Variants in ANAPC10 observed in about 807,000 individuals in gnomAD.
The protein encoded by ANAPC10 is anaphase-promoting complex subunit 10.
A neutral mutation model predicts 22.0 loss-of-function variants in ANAPC10; 12 were observed. The observed-to-expected ratio is 0.55, with a 90% confidence interval of 0.35 to 0.88. The LOEUF (loss-of-function observed/expected upper bound fraction) is 0.88, where lower values mean the gene tolerates loss of function less well. Ranked by LOEUF, ANAPC10 falls within the 40% of genes least tolerant of loss-of-function variation. The pLI is 0.01. For missense variants in ANAPC10, 188 were observed against 220.9 expected, an observed-to-expected ratio of 0.85 and a Z score of 0.94; for synonymous variants, 65 against 69.5, an observed-to-expected ratio of 0.94 and a Z score of 0.32.
At chr4:145,033,570 A>C (rs997949897) in intron 4 of ANAPC10, among the ~76,000 whole-genome samples, 1 of 152,188 alleles carries the variant, frequency 6.6e-6, no homozygotes, top group Non-Finnish European at 1.5e-5. Flanking sequence ...AATACAGGAG[A>C]TCCATTAGGA....
intron 3 of ANAPC10, among the ~76,000 whole-genome samples, chr4:145,070,888 C>T (rs1389240790): frequency 6.6e-6 from 1 of 152,206 alleles, no homozygotes; most frequent in East Asian, 1.9e-4. Flanking sequence ...AAAAGTTAGA[C>T]ACCAAAGGAC....
At chr4:145,030,023 A>G (rs1360131912) in intron 4 of ANAPC10, among the ~76,000 whole-genome samples, 1 of 152,194 alleles carries the variant, frequency 6.6e-6, no homozygotes, top group Admixed American at 6.5e-5. Flanking sequence ...GCAGCACTCA[A>G]TCATCAAAGG....
chr4:145,084,488 G>A (rs1159936546), intron 2 of ANAPC10, among the ~76,000 whole-genome samples: 1 of 152,050 alleles, frequency 6.6e-6, no homozygotes, highest in African/African-American at 2.4e-5. Context: ...GACCAGGGGT[G>A]TCTAATCTTT....
intron 4 of ANAPC10, among the ~76,000 whole-genome samples, chr4:145,057,775 G>A (rs113493172): frequency 3.1e-4 from 47 of 152,150 alleles, no homozygotes; most frequent in African/African-American, 9.2e-4. Flanking sequence ...ACTAGTAAAT[G>A]CCAACTTTCA....
At chr4:145,089,873 C>A (rs1747415383) in intron 2 of ANAPC10, among the ~76,000 whole-genome samples, 1 of 152,142 alleles carries the variant, frequency 6.6e-6, no homozygotes, top group South Asian at 2.1e-4. Context: ...CCATCCTCCA[C>A]ACTTCTCAAA....
intron 2 of ANAPC10, among the ~76,000 whole-genome samples, chr4:145,083,403 C>G (rs1746382928): frequency 6.6e-6 from 1 of 152,120 alleles, no homozygotes; most frequent in Admixed American, 6.5e-5. Flanking sequence ...AAACACCTAG[C>G]TGTCTACAAT....
chr4:145,021,606 A>G (rs1294648950), intron 4 of ANAPC10, among the ~76,000 whole-genome samples: 4 of 152,148 alleles, frequency 2.6e-5, no homozygotes, highest in African/African-American at 9.7e-5. Flanking sequence ...CCTTCTAGAC[A>G]TTGGTTTAGG....
intron 4 of ANAPC10, among the ~76,000 whole-genome samples, chr4:145,030,843 T>C (rs1737472443): frequency 6.6e-6 from 1 of 152,216 alleles, no homozygotes; most frequent in African/African-American, 2.4e-5. Flanking sequence ...CATCAAGGAC[T>C]TGAAGGACGT....
At chr4:145,093,765 C>T (rs1474641996) in intron 2 of ANAPC10, among the ~76,000 whole-genome samples, 1 of 151,216 alleles carries the variant, frequency 6.6e-6, no homozygotes, top group East Asian at 1.9e-4. Context: ...GAAGACAGGC[C>T]AATGAAAAAT....
chr4:145,007,180 C>A (rs897123415), intron 4 of ANAPC10, among the ~76,000 whole-genome samples: 2 of 152,006 alleles, frequency 1.3e-5, no homozygotes, highest in African/African-American at 4.8e-5. Context: ...GACTCCCACA[C>A]AATAATAATG....
At chr4:145,001,207 GGAA>G (rs1023881301) in intron 4 of ANAPC10, among the ~76,000 whole-genome samples, 5 of 136,926 alleles carry the variant, frequency 3.7e-5, no homozygotes, top group African/African-American at 1.4e-4. Context: ...AAAGAAAGAA[GGAA>G]GGAGGGAGGG....
intron 4 of ANAPC10, among the ~76,000 whole-genome samples, chr4:144,998,619 T>C (rs577992724): frequency 6.6e-6 from 1 of 152,270 alleles, no homozygotes; most frequent in Admixed American, 6.5e-5. Context: ...TGTAAAGCAG[T>C]GTGTCGAGGG....
intron 4 of ANAPC10, among the ~76,000 whole-genome samples, chr4:145,001,207 G>C (rs62343143): frequency 0.21 from 28,100 of 136,854 alleles, 3,218 homozygotes; most frequent in East Asian, 0.47. Context: ...AAAGAAAGAA[G>C]GAAGGAGGGA....
At chr4:145,095,644 C>T (rs1162878453) in intron 2 of ANAPC10, among the ~76,000 whole-genome samples, 1 of 152,174 alleles carries the variant, frequency 6.6e-6, no homozygotes, top group African/African-American at 2.4e-5. Flanking sequence ...TTATCTCTCA[C>T]ATCATCGCAG....
chr4:145,068,863 T>C (rs146050324), intron 3 of ANAPC10, among the ~76,000 whole-genome samples: 7 of 152,274 alleles, frequency 4.6e-5, no homozygotes, highest in African/African-American at 1.2e-4. Flanking sequence ...TGAGCCAAGA[T>C]TGCGCTACTG....
chr4:145,005,641 G>A (rs1733227691), intron 4 of ANAPC10, among the ~76,000 whole-genome samples: 1 of 152,120 alleles, frequency 6.6e-6, no homozygotes. Context: ...CTGTGCCCCA[G>A]AGATTCTGGT....
At position 145,016,549 on chromosome 4, in the gene ANAPC10, G is replaced by T. The variant is rs1377025763; in HGVS notation, c.328-20946C>A. Among the ~76,000 whole-genome samples, 3 of 152,122 alleles carry T rather than the reference G, an allele frequency of 2.0e-5. No homozygotes were observed. The South Asian group carries it at 6.2e-4, about 32-fold the overall frequency. On this transcript the variant is annotated intron_variant, in intron 4 of 4. Coordinates refer to ENST00000507656, the MANE Select transcript of ANAPC10 (RefSeq NM_001256706.2). ...TTGTGAAAATGGCCATATTGCCCAA[G>T]GTAATTTATAGATTCAATGCCATCC...
At chr4:145,094,502 C>T (rs1384048441) in intron 2 of ANAPC10, among the ~76,000 whole-genome samples, 2 of 152,092 alleles carry the variant, frequency 1.3e-5, no homozygotes, top group Non-Finnish European at 2.9e-5. Context: ...AGAAAGTGCT[C>T]ATAGAAAGAC....
intron 2 of ANAPC10, among the ~76,000 whole-genome samples, chr4:145,094,077 T>G (rs573556243): frequency 6.6e-6 from 1 of 152,296 alleles, no homozygotes; most frequent in East Asian, 1.9e-4. Context: ...CAAGGATAAC[T>G]GGGGACCATT....
Sources: allele counts gnomAD v4.1 joint callset (sites outside exome capture counted in the v4.1 genomes callset), GRCh38; gene constraint gnomAD v4.1.1; transcripts MANE v1.5; gene names NCBI Gene and HGNC (gene_info 2026-07-23, HGNC 2026-07-21).